Variants in TICAM1 observed in about 807,000 individuals in gnomAD.
TICAM1 encodes TIR domain containing adaptor molecule 1, also known as TIR domain-containing adapter molecule 1.
For missense variants in TICAM1, 895 were observed against 938.2 expected (o/e 0.95, Z 0.60); for synonymous variants, 439 against 415.4 (o/e 1.06, Z -0.69).
At chr19:4,820,920 G>T (rs2093596251) in intron 1 of TICAM1, among the ~76,000 whole-genome samples, 1 of 151,514 alleles carries the variant, frequency 6.6e-6, no homozygotes, top group Admixed American at 6.6e-5. Context: ...AGCCAGGTGT[G>T]GTGGCTCATG....
chr19:4,819,008 A>G (rs1289406720), intron 1 of TICAM1, among the ~76,000 whole-genome samples: 2 of 152,242 alleles, frequency 1.3e-5, no homozygotes, highest in South Asian at 2.1e-4. Flanking sequence ...CTACTTGGGA[A>G]ACTGAGGCAG....
chr19:4,827,788 G>A (rs944469396), intron 1 of TICAM1, among the ~76,000 whole-genome samples: 2 of 150,860 alleles, frequency 1.3e-5, no homozygotes, highest in Non-Finnish European at 2.9e-5. Flanking sequence ...CCTATATTCA[G>A]GTGGGACCAC....
At chr19:4,820,712 A>T (rs544075052) in intron 1 of TICAM1, among the ~76,000 whole-genome samples, 2 of 151,434 alleles carry the variant, frequency 1.3e-5, no homozygotes, top group South Asian at 2.1e-4. Flanking sequence ...AAAGAAAAAT[A>T]AAAAAAATAA....
intron 1 of TICAM1, among the ~76,000 whole-genome samples, chr19:4,824,744 C>T (rs1393906238): frequency 1.3e-5 from 2 of 151,326 alleles, no homozygotes; most frequent in African/African-American, 2.4e-5. Flanking sequence ...ACCATCCTGG[C>T]CAACATGGCG....
chr19:4,828,108 CT>C (rs1279580943), intron 1 of TICAM1, among the ~76,000 whole-genome samples: 2 of 149,568 alleles, frequency 1.3e-5, no homozygotes, highest in Admixed American at 6.7e-5. Context: ...AATTCACACT[CT>C]TTTTTGTTTT....
chr19:4,830,466 A>G (rs1011321138), intron 1 of TICAM1, among the ~76,000 whole-genome samples: 11 of 151,930 alleles, frequency 7.2e-5, no homozygotes, highest in African/African-American at 2.7e-4. Context: ...TGATCCTCCC[A>G]CCTTGTCCTT....
At position 4,816,850 on chromosome 19, in the gene TICAM1, G is replaced by A. The variant is rs754776028; in HGVS notation, c.1528C>T (p.Leu510=). Residue 510 remains leucine (L), a synonymous_variant, in exon 2 of 2, where the codon CTG becomes TTG. Coordinates refer to ENST00000248244, the MANE Select transcript of TICAM1 (RefSeq NM_182919.4). This position sits in a 1 kb window ranked among gnomAD's most constrained non-coding sequence, Gnocchi z 4.3. ...SSDTASLLSG[L]VRLDEHSQIF... is the part of the protein sequence containing the mutation. Reference sequence around the variant, plus strand: ...TGGGAGTGTTCGTCCAGCCGCACCAGCCCGGAGAGCAGGCTGGCCGTGTCG... The same window carrying A: ...TGGGAGTGTTCGTCCAGCCGCACCAACCCGGAGAGCAGGCTGGCCGTGTCG... The A allele has an allele frequency of 3.1e-6, 5 of 1,612,618 alleles. No homozygotes were observed. In the Admixed American group the frequency reaches 5.0e-5, roughly 16 times the overall value.
chr19:4,825,625 C>T (rs1056337462), intron 1 of TICAM1, among the ~76,000 whole-genome samples: 30 of 151,178 alleles, frequency 2.0e-4, no homozygotes, highest in African/African-American at 7.1e-4. Context: ...CCCAAGAGTT[C>T]GAGACCAGCC....
chr19:4,825,693 C>T (rs1405900839), intron 1 of TICAM1, among the ~76,000 whole-genome samples: 1 of 151,326 alleles, frequency 6.6e-6, no homozygotes, highest in African/African-American at 2.4e-5. Flanking sequence ...TGTGGTGGCT[C>T]ACGCCTGTAA....
At chr19:4,829,602 T>C (rs190219159) in intron 1 of TICAM1, among the ~76,000 whole-genome samples, 1 of 152,198 alleles carries the variant, frequency 6.6e-6, no homozygotes, top group African/African-American at 2.4e-5. Flanking sequence ...CTTCCTCATT[T>C]ATAACACCCA....
Position 4,818,348 on chromosome 19 carries a change from G to T in TICAM1, c.30C>A (p.Ser10Arg). The stretch of plus-strand genomic sequence containing the variant: ...CTGCTGCACCTAGAATGTCGAAGGC[G>T]CTAGGAAGTGATGGGCCTGTGCAGG... Reference protein sequence around the residue: MACTGPSLPSAFDILGAAGQ... With the variant: MACTGPSLPRAFDILGAAGQ... The change falls in exon 2 of 2, where the codon AGC (serine) becomes AGA (arginine). Residue 10 changes from serine (S) to arginine (R), a missense_variant. Transcript: ENST00000248244. The surrounding 1 kb of genome is among the most constrained non-coding windows in gnomAD (Gnocchi z 4.0). The T allele has an allele frequency of 6.2e-7, 1 of 1,609,290 alleles. No homozygotes were observed. The highest frequency in any genetic ancestry group is 8.5e-7 in the Non-Finnish European group (1 of 1,178,162).
Position 4,818,038 on chromosome 19 carries a change from G to C in TICAM1, c.340C>G (p.Arg114Gly), listed in dbSNP as rs1005476424. 1 of 1,608,976 alleles carries C rather than the reference G, an allele frequency of 6.2e-7. No individual in the cohort carries two copies. The highest frequency in any genetic ancestry group is 1.3e-5 in the African/African-American group (1 of 74,930). ...ACGGCTTCCTGGTAGGCCACGTCCCGCAGCGAGGCGGGGCACAGCTTCTCC... is the reference window on the plus strand; with the variant it reads ...ACGGCTTCCTGGTAGGCCACGTCCCCCAGCGAGGCGGGGCACAGCTTCTCC... ...AEEKLCPASL[R>G]DVAYQEAVRT... Residue 114 changes from arginine (R) to glycine (G), a missense_variant, in exon 2 of 2, where the codon CGG becomes GGG. Physicochemically the swap from Arg to Gly is moderately radical, Grantham distance 125. Transcript: ENST00000248244. The surrounding 1 kb of genome is among the most constrained non-coding windows in gnomAD (Gnocchi z 4.0).
At chr19:4,820,068 G>A (rs558310820) in intron 1 of TICAM1, among the ~76,000 whole-genome samples, 1 of 152,036 alleles carries the variant, frequency 6.6e-6, no homozygotes, top group Non-Finnish European at 1.5e-5. Flanking sequence ...TTAGAAATCC[G>A]CTCATTCTTC....
At chr19:4,828,702 CT>C (rs10706023) in intron 1 of TICAM1, among the ~76,000 whole-genome samples, 60,411 of 124,514 alleles carry the variant, frequency 0.49, 14,787 homozygotes, top group African/African-American at 0.63. Flanking sequence ...CCCAGATAAT[CT>C]TTTTTTTTTT....
Position 4,816,458 on chromosome 19 carries a change from G to T in TICAM1, c.1920C>A (p.Thr640=), listed in dbSNP as rs1163965906. Residue 640 remains threonine, a synonymous_variant, in exon 2 of 2, where the codon ACC becomes ACA. Coordinates refer to ENST00000248244, the MANE Select transcript of TICAM1 (RefSeq NM_182919.4). The surrounding 1 kb of genome is among the most constrained non-coding windows in gnomAD (Gnocchi z 4.3). Reference sequence around the variant, plus strand: ...CTGGCTGTGGGGAGGGCGGTGGGGGGGTGCCAGCCTGCCATGCGTGCAGGG... The same window carrying T: ...CTGGCTGTGGGGAGGGCGGTGGGGGTGTGCCAGCCTGCCATGCGTGCAGGG... ...PPPLHAWQAG[T]PPPPSPQPAA... is the part of the protein sequence containing the mutation. 1 of 1,554,144 alleles carries T rather than the reference G, an allele frequency of 6.4e-7. No individual in the cohort carries two copies. The highest frequency in any genetic ancestry group is 8.7e-7 in the Non-Finnish European group (1 of 1,151,818).
Position 4,818,465 on chromosome 19 carries a change from T to C in TICAM1, c.-88A>G. 4 of 1,466,502 alleles carry C rather than the reference T, an allele frequency of 2.7e-6. No individual in the cohort carries two copies. The highest frequency in any genetic ancestry group is 2.7e-6 in the Non-Finnish European group (3 of 1,108,942). 90.8% of individuals were successfully genotyped at this position (1,466,502 alleles called of 1,614,324 possible). A position where few individuals can be genotyped will look rare whatever the true frequency, so the allele number is the denominator to read the frequency against. On this transcript the variant is annotated 5_prime_UTR_variant, in exon 2 of 2. Coordinates refer to ENST00000248244, the MANE Select transcript of TICAM1 (RefSeq NM_182919.4). This position sits in a 1 kb window ranked among gnomAD's most constrained non-coding sequence, Gnocchi z 4.0. Reference sequence around the variant, plus strand: ...TGCCCCCCGCCTTCTGCACGCCCAGTGTCCCCTACCCATTCACTGTTCCAG... The same window carrying C: ...TGCCCCCCGCCTTCTGCACGCCCAGCGTCCCCTACCCATTCACTGTTCCAG...
chr19:4,817,382 C>G lies in TICAM1; in HGVS notation c.996G>C (p.Thr332=), dbSNP rs199935588. The change falls in exon 2 of 2, where the codon ACG becomes ACC. Residue 332 remains threonine, a synonymous_variant. Coordinates refer to ENST00000248244, the MANE Select transcript of TICAM1 (RefSeq NM_182919.4). This position sits in a 1 kb window ranked among gnomAD's most constrained non-coding sequence, Gnocchi z 4.7. ...VKNPCSVKDQ[T]PLQLSVEDTT... ...TATCTTCTACAGAAAGTTGGAGTGGCGTCTGGTCTTTGACAGAGCAGGGGT... is the reference window on the plus strand; with the variant it reads ...TATCTTCTACAGAAAGTTGGAGTGGGGTCTGGTCTTTGACAGAGCAGGGGT... 6 of 1,613,886 alleles carry G rather than the reference C, an allele frequency of 3.7e-6. No homozygotes were observed. Among genetic ancestry groups the G allele is most frequent in the Admixed American group, 1.7e-5 (1 of 59,996 alleles).
At chr19:4,820,817 G>C (rs1055824729) in intron 1 of TICAM1, among the ~76,000 whole-genome samples, 1 of 152,070 alleles carries the variant, frequency 6.6e-6, no homozygotes, top group Non-Finnish European at 1.5e-5. Context: ...CTGGGAGGTG[G>C]AGGTTGCAGT....
intron 1 of TICAM1, among the ~76,000 whole-genome samples, chr19:4,819,647 C>T (rs762640385): frequency 1.3e-5 from 2 of 152,024 alleles, no homozygotes; most frequent in African/African-American, 2.4e-5. Context: ...CCAAGGAGGG[C>T]GGCTCACCTG....
Sources: gnomAD v4.1 joint callset for allele counts (sites outside exome capture counted in the v4.1 genomes callset) on GRCh38, gnomAD v4.1.1 for gene constraint, Gnocchi (gnomAD v3.1) non-coding constraint, MANE v1.5 for transcripts, NCBI Gene and HGNC (gene_info 2026-07-23, HGNC 2026-07-21) for gene names.